Variants in ZFHX3 observed in about 807,000 individuals in gnomAD.
ZFHX3 encodes the protein zinc finger homeobox protein 3.
In ZFHX3, 42 loss-of-function variants were observed where a neutral mutation model predicts 279.1. The ratio of observed to expected loss-of-function variants is 0.15; its 90% confidence interval spans 0.12 to 0.19. The LOEUF is 0.19. Ranked by LOEUF, ZFHX3 falls within the 10% of genes least tolerant of loss-of-function variation. The pLI, the probability that ZFHX3 is intolerant of heterozygous loss-of-function variation, is 1.00. For missense variants in ZFHX3, 4,981 were observed against 4,754.0 expected (o/e 1.05, Z -1.40); for synonymous variants, 2,293 against 1,957.8 (o/e 1.17, Z -4.52).
chr16:73,228,881 CA>C (rs1402193268), intron 5 of ZFHX3, among the ~76,000 whole-genome samples: 2 of 152,096 alleles, frequency 1.3e-5, no homozygotes, highest in African/African-American at 4.8e-5. Flanking sequence ...GATAAGGAAA[CA>C]GCTGGTTTCC....
At chr16:73,882,427 G>A (rs2058106325) in intron 1 of ZFHX3, among the ~76,000 whole-genome samples, 1 of 152,008 alleles carries the variant, frequency 6.6e-6, no homozygotes, top group Non-Finnish European at 1.5e-5. Context: ...CATGATCAGT[G>A]AACTTATATT....
intron 1 of ZFHX3, among the ~76,000 whole-genome samples, chr16:73,018,327 G>A (rs1481423458): frequency 1.3e-5 from 2 of 152,026 alleles, no homozygotes; most frequent in African/African-American, 4.8e-5. Flanking sequence ...TAACTCTAAG[G>A]CCGGGTGTGG....
At chr16:73,497,416 C>G (rs961976680) in intron 2 of ZFHX3, among the ~76,000 whole-genome samples, 1 of 152,220 alleles carries the variant, frequency 6.6e-6, no homozygotes, top group Non-Finnish European at 1.5e-5. Flanking sequence ...CGCCTGTAAT[C>G]CCAGCACTTT....
chr16:72,973,933 C>T (rs777529921), intron 1 of ZFHX3: 1 of 152,102 alleles, frequency 6.6e-6, no homozygotes, highest in Non-Finnish European at 1.5e-5. Context: ...CAAGTGAACC[C>T]CTGGGTTCCC....
rs1966925995 is a variant in ZFHX3 at position 73,150,948 on chromosome 16, A to T, written c.-1103-7117T>A. On this transcript the variant is annotated intron_variant, in intron 5 of 17. Coordinates refer to the ZFHX3 transcript ENST00000641206. ...ACATGAATACAGTGTTGAAACCGGC[A>T]TCACTCAAACAAAAACAAAACAGGA... 1.3e-5 allele frequency among the ~76,000 whole-genome samples: 2 copies of T among 152,252 alleles called. 1 individual carries two copies. Among genetic ancestry groups the T allele is most frequent in the Non-Finnish European group, 2.9e-5 (2 of 68,046 alleles).
intron 8 of ZFHX3, among the ~76,000 whole-genome samples, chr16:73,075,291 GCAA>G (rs1359197362): frequency 4.1e-5 from 6 of 146,256 alleles, no homozygotes; most frequent in South Asian, 2.4e-4. Flanking sequence ...TACAGCCTGA[GCAA>G]CAACAAGAGA....
chr16:73,839,723 C>G (rs1204695079), intron 1 of ZFHX3, among the ~76,000 whole-genome samples: 1 of 152,190 alleles, frequency 6.6e-6, no homozygotes, highest in Non-Finnish European at 1.5e-5. Context: ...AATGGTTCCT[C>G]CGCACCCGTG....
At chr16:73,488,580 TG>T (rs2019011764) in intron 2 of ZFHX3, among the ~76,000 whole-genome samples, 1 of 152,074 alleles carries the variant, frequency 6.6e-6, no homozygotes, top group Non-Finnish European at 1.5e-5. Context: ...ACACTGGGGA[TG>T]GGGGTGATGT....
intron 3 of ZFHX3, among the ~76,000 whole-genome samples, chr16:73,321,280 G>A (rs1015598421): frequency 3.3e-5 from 5 of 152,114 alleles, no homozygotes; most frequent in Admixed American, 2.0e-4. Flanking sequence ...GATAGCTCAG[G>A]AGGCGAGATC....
intron 4 of ZFHX3, among the ~76,000 whole-genome samples, chr16:73,265,337 T>C (rs1347039957): frequency 6.6e-6 from 1 of 152,102 alleles, no homozygotes; most frequent in Non-Finnish European, 1.5e-5. Flanking sequence ...GGAGGAGCCA[T>C]GCTGGTGGGA....
chr16:73,155,819 G>A (rs1597189148), intron 5 of ZFHX3, among the ~76,000 whole-genome samples: 1 of 128,604 alleles, frequency 7.8e-6, no homozygotes, highest in African/African-American at 3.3e-5. Context: ...GAGAAACTCT[G>A]CCTCAAAACA....
In ZFHX3 at chr16:72,904,314, C is replaced by T. The variant is rs563018121; in HGVS notation, c.3217-14352G>A. The stretch of plus-strand genomic sequence containing the variant: ...ACAGGAGGTGGAGGTCGCAGTGAGC[C>T]GAGATCACAACCCACTGCACTCCAG... On this transcript the variant is annotated intron_variant, in intron 3 of 9. Transcript: ENST00000268489. 1.4e-4 allele frequency among the ~76,000 whole-genome samples: 21 copies of T among 151,332 alleles called. 1 individual carries two copies. The South Asian group carries it at 2.1e-3, about 15-fold the overall frequency.
chr16:73,224,339 C>A (rs556891911), intron 5 of ZFHX3, among the ~76,000 whole-genome samples: 1 of 152,102 alleles, frequency 6.6e-6, no homozygotes, highest in Non-Finnish European at 1.5e-5. Flanking sequence ...CTACACTGCT[C>A]GAAAGTGTAT....
At chr16:73,036,151 GTC>G (rs758615850) in intron 1 of ZFHX3, among the ~76,000 whole-genome samples, 9 of 150,676 alleles carry the variant, frequency 6.0e-5, no homozygotes, top group South Asian at 2.1e-4. Flanking sequence ...CTCTCTCTCT[GTC>G]TCTCTCTCTC....
intron 1 of ZFHX3, among the ~76,000 whole-genome samples, chr16:73,842,204 G>A (rs1460918375): frequency 6.6e-6 from 1 of 150,930 alleles, no homozygotes; most frequent in African/African-American, 2.4e-5. Flanking sequence ...CAACAAGAGC[G>A]AAACTCCATC....
intron 4 of ZFHX3, among the ~76,000 whole-genome samples, chr16:73,296,722 G>C (rs185530295): frequency 6.6e-6 from 1 of 152,158 alleles, no homozygotes; most frequent in African/African-American, 2.4e-5. Flanking sequence ...GCATTCATTT[G>C]TCTAAGACAA....
intron 2 of ZFHX3, among the ~76,000 whole-genome samples, chr16:73,612,246 T>G (rs942978391): frequency 1.3e-5 from 2 of 152,170 alleles, no homozygotes; most frequent in African/African-American, 4.8e-5. Context: ...AAAATTTTAA[T>G]TTAGTTAAAG....
At chr16:73,545,614 C>T (rs1269780388) in intron 2 of ZFHX3, among the ~76,000 whole-genome samples, 1 of 152,122 alleles carries the variant, frequency 6.6e-6, no homozygotes, top group Admixed American at 6.5e-5. Context: ...TTGCTGCATT[C>T]ACTTGTCTTT....
chr16:73,061,569 G>A (rs1309337626), upstream of ZFHX3: 1 of 151,782 alleles, frequency 6.6e-6, no homozygotes, highest in Non-Finnish European at 1.5e-5. Context: ...AGTCCAAAGG[G>A]CAGGTCAGTG....
Sources: gnomAD v4.1 joint callset for allele counts (sites outside exome capture counted in the v4.1 genomes callset) on GRCh38, gnomAD v4.1.1 for gene constraint, MANE v1.5 for transcripts, NCBI Gene and HGNC (gene_info 2026-07-23, HGNC 2026-07-21) for gene names.